The following UCHL3 variants were observed in gnomAD, a reference collection of about 807,000 sequenced individuals.
UCHL3 encodes the protein ubiquitin carboxyl-terminal hydrolase isozyme L3.
A neutral mutation model predicts 35.8 loss-of-function variants in UCHL3; 22 were observed. That is an observed-to-expected ratio of 0.61 (90% CI 0.44 to 0.88). The LOEUF is 0.88. Among genes scored for constraint, UCHL3 ranks in the 40% least tolerant of loss-of-function variants. The pLI is 0.00. For missense variants in UCHL3, 229 were observed against 276.9 expected, an observed-to-expected ratio of 0.83 and a Z score of 1.23; for synonymous variants, 90 against 92.8, an observed-to-expected ratio of 0.97 and a Z score of 0.17.
chr13:75,599,621 T>C (rs1394489962), intron 7 of UCHL3, among the ~76,000 whole-genome samples: 7 of 152,196 alleles, frequency 4.6e-5, no homozygotes, highest in South Asian at 4.1e-4. Context: ...GTAATTGTTT[T>C]GGGATGCCAC....
chr13:75,553,843 C>G (rs953876902), intron 2 of UCHL3, among the ~76,000 whole-genome samples: 2 of 152,264 alleles, frequency 1.3e-5, no homozygotes, highest in East Asian at 1.9e-4. Context: ...TGCTCTAAAC[C>G]CTTTTCTTCC....
At chr13:75,549,707 G>T, upstream of UCHL3, 2 of 1,264,728 alleles carry the variant, frequency 1.6e-6, no homozygotes, top group Non-Finnish European at 2.1e-6. Flanking sequence ...GTGTTTAGGC[G>T]CTCCTCCTCC....
intron 3 of UCHL3, among the ~76,000 whole-genome samples, chr13:75,565,214 T>C (rs1393323471): frequency 6.6e-6 from 1 of 152,170 alleles, no homozygotes; most frequent in African/African-American, 2.4e-5. Flanking sequence ...TCAAATCTTA[T>C]TTTGCTTTGT....
At chr13:75,596,328 T>C (rs1164868618) in intron 7 of UCHL3, among the ~76,000 whole-genome samples, 1 of 152,204 alleles carries the variant, frequency 6.6e-6, no homozygotes, top group Non-Finnish European at 1.5e-5. Context: ...GTCATTATTT[T>C]GGTAGTATAT....
At chr13:75,579,692 C>G (rs1201839434) in intron 6 of UCHL3, among the ~76,000 whole-genome samples, 3 of 152,046 alleles carry the variant, frequency 2.0e-5, no homozygotes, top group African/African-American at 7.2e-5. Context: ...TTCACACTTC[C>G]AGATCTGACT....
At chr13:75,580,954 G>A (rs2032163690) in intron 6 of UCHL3, among the ~76,000 whole-genome samples, 2 of 152,116 alleles carry the variant, frequency 1.3e-5, no homozygotes, top group Non-Finnish European at 2.9e-5. Flanking sequence ...GTAATTTAAG[G>A]CAAATATGTA....
rs1355616099 is a variant in UCHL3 at position 75,605,832 on chromosome 13, C to T, written c.*20C>T. On this transcript the variant is annotated 3_prime_UTR_variant, in exon 9 of 9. Transcript: ENST00000377595. ...GCATAGCTTGTCAATAATGGAAACA[C>T]CAAAAACTGTATTATTTGCAACTAA... 5 of 1,609,370 alleles carry T rather than the reference C, an allele frequency of 3.1e-6. No homozygotes were observed. Among genetic ancestry groups the T allele is most frequent in the Non-Finnish European group, 4.2e-6 (5 of 1,177,784 alleles).
At chr13:75,550,722 T>G (rs906586659) in intron 2 of UCHL3, among the ~76,000 whole-genome samples, 7 of 16,334 alleles carry the variant, frequency 4.3e-4, no homozygotes, top group African/African-American at 1.5e-3. Context: ...TTTACCCTGT[T>G]TTTTTTTTTT....
intron 8 of UCHL3, chr13:75,605,077 C>T: frequency 2.8e-6 from 1 of 357,468 alleles, no homozygotes; most frequent in Non-Finnish European, 5.0e-6. Flanking sequence ...CTCATTATAT[C>T]CGAGATTTCA....
chr13:75,579,095 A>G (rs753556228), intron 6 of UCHL3, among the ~76,000 whole-genome samples: 47 of 152,184 alleles, frequency 3.1e-4, no homozygotes, highest in Non-Finnish European at 6.2e-4. Context: ...CAATAAGCCA[A>G]AAATGATTTA....
intron 7 of UCHL3, among the ~76,000 whole-genome samples, chr13:75,601,445 C>T (rs957217693): frequency 3.3e-5 from 5 of 152,138 alleles, no homozygotes; most frequent in African/African-American, 7.2e-5. Context: ...CTTCAGCAAC[C>T]GCCGTCCTGA....
chr13:75,555,590 A>C (rs1463485633), intron 2 of UCHL3, among the ~76,000 whole-genome samples: 1 of 149,478 alleles, frequency 6.7e-6, no homozygotes, highest in Non-Finnish European at 1.5e-5. Flanking sequence ...GCAGCATTCT[A>C]TCTCTTAAAG....
In UCHL3 at chr13:75,605,730, A is replaced by T; in HGVS notation, c.611A>T (p.Asp204Val). 1 of 1,613,272 alleles carries T rather than the reference A, an allele frequency of 6.2e-7. No individual in the cohort carries two copies. Among genetic ancestry groups the T allele is most frequent in the Non-Finnish European group, 8.5e-7 (1 of 1,179,714 alleles). Reference protein sequence around the residue: ...GETSDETLLEDAIEVCKKFME... With the variant: ...GETSDETLLEVAIEVCKKFME... The stretch of plus-strand genomic sequence containing the variant: ...CATACTTTTTTTTTTCCTCCATAGG[A>T]TGCCATAGAAGTTTGCAAGAAGTTT... The change falls in exon 9 of 9, where the codon GAT becomes GTT. Residue 204 changes from aspartate (D) to valine (V), a missense_variant and splice_region_variant. By Grantham distance (152) the Asp-to-Val change is radical (BLOSUM62 -3). Transcript: ENST00000377595.
rs145734815 is a variant in UCHL3 at position 75,550,935 on chromosome 13, T to G, written c.54+948T>G. ...TGCTCTCTATCTTAGGGAGGAAACA[T>G]TTGATCTTTCACCATTAAATATGTT... is the stretch of plus-strand genomic sequence containing the variant. On this transcript the variant is annotated intron_variant, in intron 2 of 8. Coordinates refer to ENST00000377595, the MANE Select transcript of UCHL3 (RefSeq NM_006002.5). Among the ~76,000 whole-genome samples, 548 of 152,292 alleles carry G rather than the reference T, an allele frequency of 3.6e-3. 3 individuals carry two copies. The highest frequency in any genetic ancestry group is 0.027 in the Middle Eastern group (8 of 294).
chr13:75,585,176 A>G (rs2032288669), intron 6 of UCHL3, among the ~76,000 whole-genome samples: 1 of 152,182 alleles, frequency 6.6e-6, no homozygotes, highest in Admixed American at 6.6e-5. Flanking sequence ...TCTCAGAGAC[A>G]CTAGGTAGGA....
intron 6 of UCHL3, among the ~76,000 whole-genome samples, chr13:75,576,837 T>G (rs1453833664): frequency 2.0e-5 from 3 of 152,210 alleles, no homozygotes; most frequent in Admixed American, 2.0e-4. Flanking sequence ...AGTTACTGAT[T>G]TTAAAATTAA....
At chr13:75,569,297 C>T (rs2031780281) in intron 5 of UCHL3, 163 bp from the exon 6 acceptor site, 1 of 497,296 alleles carries the variant, frequency 2.0e-6, no homozygotes, top group East Asian at 3.2e-5. Flanking sequence ...ATTTGATTAC[C>T]CAGATATCAT....
chr13:75,561,503 A>G (rs2031492854), intron 3 of UCHL3, among the ~76,000 whole-genome samples: 1 of 151,910 alleles, frequency 6.6e-6, no homozygotes, highest in South Asian at 2.1e-4. Context: ...TGTTTTAGAA[A>G]TTTTAAGTAC....
At chr13:75,552,067 A>C (rs1463283899) in intron 2 of UCHL3, among the ~76,000 whole-genome samples, 2 of 152,224 alleles carry the variant, frequency 1.3e-5, no homozygotes, top group Non-Finnish European at 2.9e-5. Context: ...TGATATAAAC[A>C]GACAAACAAT....
Sources: allele counts gnomAD v4.1 joint callset (sites outside exome capture counted in the v4.1 genomes callset), GRCh38; gene constraint gnomAD v4.1.1; transcripts MANE v1.5; gene names NCBI Gene and HGNC (gene_info 2026-07-23, HGNC 2026-07-21).